The following CDH16 variants were observed in gnomAD, a reference collection of about 807,000 sequenced individuals.
CDH16 encodes the protein cadherin-16.
Under a neutral mutation model 87.6 loss-of-function variants are expected in CDH16, and 79 were observed. The ratio of observed to expected loss-of-function variants is 0.90; its 90% confidence interval spans 0.75 to 1.09. The LOEUF (loss-of-function observed/expected upper bound fraction) is 1.09, where lower values mean the gene tolerates loss of function less well. Among genes scored for constraint, CDH16 ranks in the 50% least tolerant of loss-of-function variants. CDH16 has a pLI of 0.00. For missense variants in CDH16, 1,124 were observed against 1,071.7 expected (o/e 1.05, Z -0.68); for synonymous variants, 457 against 439.5 (o/e 1.04, Z -0.50).
intron 7 of CDH16, 103 bp from the exon 8 acceptor site, chr16:66,913,716 G>C: frequency 6.7e-7 from 1 of 1,482,454 alleles, no homozygotes; most frequent in South Asian, 1.3e-5. Flanking sequence ...GTGTGACCCA[G>C]GCAAGGTGCT....
intron 6 of CDH16, 115 bp downstream of exon 6, chr16:66,915,105 C>G: frequency 5.0e-6 from 5 of 994,430 alleles, no homozygotes; most frequent in East Asian, 2.5e-5. Context: ...CCTAGAGTGC[C>G]CTTCCCTCCC....
rs560611790 is a variant in CDH16 at position 66,910,620 on chromosome 16, C to T, written c.1925-118G>A. 156 of 1,086,418 alleles carry T rather than the reference C, an allele frequency of 1.4e-4. No homozygotes were observed. The Admixed American group carries it at 2.7e-3, about 19-fold the overall frequency. The allele number at this position is 1,086,418 out of a possible 1,614,324, so 67.3% of individuals were successfully genotyped here. A position where few individuals can be genotyped will look rare whatever the true frequency, so the allele number is the denominator to read the frequency against. On this transcript the variant is annotated intron_variant, in intron 14 of 17. Transcript: ENST00000299752. Reference sequence around the variant, plus strand: ...GCCTTATAGACTCCCCTGCCATGCTCCCTCCATGCTTCTCTCCACCTGTCA... The same window carrying T: ...GCCTTATAGACTCCCCTGCCATGCTTCCTCCATGCTTCTCTCCACCTGTCA...
intron 11 of CDH16, 28 bp from the exon 12 acceptor site, chr16:66,912,458 C>G: frequency 6.2e-7 from 1 of 1,614,008 alleles, no homozygotes; most frequent in Non-Finnish European, 8.5e-7. Flanking sequence ...ATGGTGAGCC[C>G]CCCACCAGCA....
rs769611487 is a variant in CDH16, at chr16:66,915,291, G to A, written c.512C>T (p.Ala171Val). ...SDLRFHILSQ[A>V]PAQPSPDMFQ... is the part of the protein sequence containing the mutation. ...CATGTCTGGGGAAGGCTGGGCTGGA[G>A]CCTGGCTCAGGATGTGGAATCGAAG... is the stretch of plus-strand genomic sequence containing the variant. Residue 171 changes from alanine to valine, a missense_variant, in exon 6 of 18, where the codon GCT becomes GTT. Ala to Val is a moderately conservative substitution (Grantham distance 64). Transcript: ENST00000299752. 2.5e-6 allele frequency: 4 copies of A among 1,613,918 alleles called. 1 individual carries two copies. The South Asian group carries it at 3.3e-5, about 13-fold the overall frequency.
chr16:66,911,918 G>C lies in CDH16; in HGVS notation c.1771C>G (p.Pro591Ala). 1 of 1,607,090 alleles carries C rather than the reference G, an allele frequency of 6.2e-7. No individual in the cohort carries two copies. The highest frequency in any genetic ancestry group is 1.1e-5 in the South Asian group (1 of 90,366). Residue 591 changes from proline to alanine, a missense_variant, in exon 13 of 18, where the codon CCC (proline) becomes GCC (alanine). By Grantham distance (27) the Pro-to-Ala change is conservative. Transcript: ENST00000299752. The part of the protein sequence containing the change: ...SFLLTIQPSD[P>A]ISRTLRFSLV... Reference sequence around the variant, plus strand: ...GCTCACCTGAGGGTTCGGCTGATGGGGTCGGAGGGCTGGATGGTCAGCAGG... The same window carrying C: ...GCTCACCTGAGGGTTCGGCTGATGGCGTCGGAGGGCTGGATGGTCAGCAGG...
intron 3 of CDH16, 55 bp downstream of exon 3, chr16:66,917,587 G>A: frequency 3.2e-6 from 4 of 1,255,674 alleles, no homozygotes; most frequent in Admixed American, 1.8e-5. Context: ...GGAAGGAGAA[G>A]CAGGACTTTG....
rs1460185409 is a variant in CDH16, at chr16:66,909,218, C to T, written c.2392+49G>A. The T allele has an allele frequency of 2.5e-6, 3 of 1,201,578 alleles. No individual in the cohort carries two copies. The highest frequency in any genetic ancestry group is 2.3e-5 in the East Asian group (1 of 42,904). The allele number at this position is 1,201,578 out of a possible 1,614,324, so 74.4% of individuals were successfully genotyped here. The stretch of plus-strand genomic sequence containing the variant: ...GGTGTTTATTTGGAGGCTGTGGTCC[C>T]AACCACCCATCGCCCTCGCCCACGC... On this transcript the variant is annotated intron_variant, in intron 17 of 17. Transcript: ENST00000299752. This position sits in a 1 kb window ranked among gnomAD's most constrained non-coding sequence, Gnocchi z 4.1.
Position 66,908,443 on chromosome 16 carries a change from CT to C in CDH16, c.2438del (p.Lys813ArgfsTer13), listed in dbSNP as rs751689698. ...LIFTHWTMSR[K>X]KDPDQPADSV... Reference sequence around the variant, plus strand: ...TGTCTGCTGGTTGATCCGGGTCCTTCTTCCTTGACATGGTCCAGTGGGTGAA... The same window carrying C: ...TGTCTGCTGGTTGATCCGGGTCCTTCTCCTTGACATGGTCCAGTGGGTGAA... On this transcript the variant is annotated frameshift_variant, in exon 18 of 18. Transcript: ENST00000299752. LOFTEE classifies it high-confidence loss of function. The C allele has an allele frequency of 6.2e-7, 1 of 1,614,098 alleles. No homozygotes were observed. Among genetic ancestry groups the C allele is most frequent in the South Asian group, 1.1e-5 (1 of 91,080 alleles).
At chr16:66,917,314 T>A (rs1161577583) in intron 3 of CDH16, among the ~76,000 whole-genome samples, 1 of 151,708 alleles carries the variant, frequency 6.6e-6, no homozygotes, top group African/African-American at 2.4e-5. Flanking sequence ...GAAAAAAAAA[T>A]GTATAACGTT....
chr16:66,918,166 G>T (rs1357271721), intron 1 of CDH16, 88 bp from the exon 2 acceptor site: 3 of 853,836 alleles, frequency 3.5e-6, no homozygotes, highest in Admixed American at 3.0e-5. Flanking sequence ...TCGTACTGCA[G>T]ACTAGTCTTC....
chr16:66,912,436 G>A lies in CDH16; in HGVS notation c.1360-6C>T, dbSNP rs766850154. The stretch of plus-strand genomic sequence containing the variant: ...GGGAGGCTTATAGGCCCAATCTGGA[G>A]GAGGAGGAGGGATGGTGAGCCCCCC... On this transcript the variant is annotated splice_polypyrimidine_tract_variant and splice_region_variant and intron_variant, in intron 11 of 17. Transcript: ENST00000299752. The A allele has an allele frequency of 6.2e-7, 1 of 1,613,884 alleles. No homozygotes were observed. The highest frequency in any genetic ancestry group is 8.5e-7 in the Non-Finnish European group (1 of 1,179,882).
intron 5 of CDH16, 111 bp from the exon 6 acceptor site, chr16:66,915,489 G>A: frequency 2.5e-6 from 3 of 1,220,844 alleles, no homozygotes; most frequent in Non-Finnish European, 3.4e-6. Context: ...ATCACATCAG[G>A]ACTCCGGAGA....
At chr16:66,917,965 A>C in intron 2 of CDH16, 56 bp downstream of exon 2, 1 of 1,430,892 alleles carries the variant, frequency 7.0e-7, no homozygotes, top group Non-Finnish European at 9.5e-7. Flanking sequence ...GTTGGGGGCA[A>C]GGGTGTCAAC....
rs777822274 is a variant in CDH16, at chr16:66,918,090, G to C, written c.-13-12C>G. ...TGGTCAGGACAGGCCTGAGGGACAC[G>C]GCAGTGAGGATCCAGCCCAGGTGGG... On this transcript the variant is annotated splice_polypyrimidine_tract_variant and intron_variant, in intron 1 of 17. Coordinates refer to ENST00000299752, the MANE Select transcript of CDH16 (RefSeq NM_004062.4). 5 of 1,554,798 alleles carry C rather than the reference G, an allele frequency of 3.2e-6. No homozygotes were observed. The highest frequency in any genetic ancestry group is 4.4e-6 in the Non-Finnish European group (5 of 1,149,406).
At position 66,909,489 on chromosome 16, in the gene CDH16, G is replaced by GTGTGTA; in HGVS notation, c.2276-112_2276-107dup. ...CTGATATGTGTGTGTTTCTGCACAT[G>GTGTGTA]TGTGTATTCACATGTGTGTGAAGAT... On this transcript the variant is annotated intron_variant, in intron 16 of 17. Transcript: ENST00000299752. This position sits in a 1 kb window ranked among gnomAD's most constrained non-coding sequence, Gnocchi z 4.1. The GTGTGTA allele has an allele frequency of 1.4e-6, 1 of 733,048 alleles. No homozygotes were observed. The highest frequency in any genetic ancestry group is 2.7e-5 in the East Asian group (1 of 37,152). The allele number at this position is 733,048 out of a possible 1,614,324, so 45.4% of individuals were successfully genotyped here. A position where few individuals can be genotyped will look rare whatever the true frequency, so the allele number is the denominator to read the frequency against.
chr16:66,917,600 G>A, intron 3 of CDH16, 42 bp downstream of exon 3: 1 of 1,435,214 alleles, frequency 7.0e-7, no homozygotes, highest in Non-Finnish European at 9.8e-7. Context: ...GGACTTTGCG[G>A]GGAGGGATCC....
rs771950454 is a variant in CDH16, at chr16:66,909,296, C to T, written c.2363G>A (p.Gly788Asp). The change falls in exon 17 of 18, where the codon GGC becomes GAC. Residue 788 changes from glycine (G) to aspartate (D), a missense_variant. By Grantham distance (94) the Gly-to-Asp change is moderately conservative (BLOSUM62 -1). Coordinates refer to ENST00000299752, the MANE Select transcript of CDH16 (RefSeq NM_004062.4). The surrounding 1 kb of genome is among the most constrained non-coding windows in gnomAD (Gnocchi z 4.1). The stretch of plus-strand genomic sequence containing the variant: ...TGCTACCAGGGTGCCTACAAGGATG[C>T]CCACTGCCGACAGCTTCGTGGGCAT... The part of the protein sequence containing the change: ...KGMPTKLSAV[G>D]ILVGTLVAIG... The T allele has an allele frequency of 3.7e-6, 6 of 1,613,188 alleles. No homozygotes were observed. The Admixed American group carries it at 1.0e-4, about 27-fold the overall frequency.
At position 66,913,601 on chromosome 16, in the gene CDH16, C is replaced by CA. The variant is rs1262891837; in HGVS notation, c.792dup (p.Gly265TrpfsTer3). On this transcript the variant is annotated frameshift_variant, in exon 8 of 18. Transcript: ENST00000299752. LOFTEE classifies it high-confidence loss of function. The stretch of plus-strand genomic sequence containing the variant: ...TCCAGGTGATAGTGCACATCACCCC[C>CA]ACTCCAGTGTACCTGGGGGGGACAC... 6.2e-7 allele frequency: 1 copy of CA among 1,613,930 alleles called. No individual in the cohort carries two copies. The highest frequency in any genetic ancestry group is 1.3e-5 in the African/African-American group (1 of 74,934).
chr16:66,910,736 A>C, intron 14 of CDH16: 1 of 444,588 alleles, frequency 2.2e-6, no homozygotes, highest in Non-Finnish European at 3.8e-6. Context: ...CAGAGTTGAA[A>C]CCTGCCTCCC....
Sources: gnomAD v4.1 joint callset for allele counts (sites outside exome capture counted in the v4.1 genomes callset) on GRCh38, gnomAD v4.1.1 for gene constraint, Gnocchi (gnomAD v3.1) non-coding constraint, MANE v1.5 for transcripts, NCBI Gene and HGNC (gene_info 2026-07-23, HGNC 2026-07-21) for gene names.